The following NEXMIF variants were observed in gnomAD, a reference collection of about 807,000 sequenced individuals.
NEXMIF encodes the protein neurite extension and migration factor.
A neutral mutation model predicts 62.1 loss-of-function variants in NEXMIF; 8 were observed. The ratio of observed to expected loss-of-function variants is 0.13; its 90% CI spans 0.08 to 0.23. NEXMIF has a LOEUF of 0.23. NEXMIF is among the 10% of genes least tolerant of loss of function. NEXMIF has a pLI of 1.00. For missense variants in NEXMIF, 976 were observed against 1,113.3 expected, an observed-to-expected ratio of 0.88 and a Z score of 1.75; for synonymous variants, 404 against 416.6, an observed-to-expected ratio of 0.97 and a Z score of 0.37.
intron 1 of NEXMIF, among the ~76,000 whole-genome samples, chrX:74,771,522 G>T (rs1380670675): frequency 2.7e-5 from 3 of 110,743 alleles, no homozygotes; most frequent in Non-Finnish European, 5.7e-5. Context: ...AAGGCATACG[G>T]TATATAATAT....
intron 1 of NEXMIF, among the ~76,000 whole-genome samples, chrX:74,796,147 A>G (rs2080306652): frequency 1.3e-5 from 1 of 74,487 alleles, no homozygotes; most frequent in African/African-American, 5.3e-5. Context: ...TATATATTAT[A>G]TATATACATA....
In NEXMIF at chrX:74,736,519, G is replaced by A. The variant is rs190903029; in HGVS notation, c.*2886C>T. The A allele has an allele frequency of 9.0e-6, 1 of 111,316 alleles. No individual in the cohort carries two copies. Among genetic ancestry groups the A allele is most frequent in the Non-Finnish European group, 1.9e-5 (1 of 53,013 alleles). 9.2% of individuals were successfully genotyped at this position (111,316 alleles called of 1,213,427 possible). A position where few individuals can be genotyped will look rare whatever the true frequency, so the allele number is the denominator to read the frequency against. On this transcript the variant is annotated 3_prime_UTR_variant, in exon 4 of 4. Transcript: ENST00000055682. Reference sequence around the variant, plus strand: ...CAGACCAAGGATAATATATATTTCTGACTTGAGATACCAGTGATAGGGCAA... The same window carrying A: ...CAGACCAAGGATAATATATATTTCTAACTTGAGATACCAGTGATAGGGCAA...
At chrX:74,812,657 G>C (rs2080364045) in intron 1 of NEXMIF, among the ~76,000 whole-genome samples, 1 of 111,661 alleles carries the variant, frequency 9.0e-6, no homozygotes, top group Admixed American at 9.6e-5. Context: ...GACAGAGAAA[G>C]TCTCAGGAAG....
rs2080101804 is a variant in NEXMIF, at chrX:74,741,172, A to G, written c.3385T>C (p.Phe1129Leu). 8.3e-7 allele frequency: 1 copy of G among 1,210,743 alleles called. No individual in the cohort carries two copies. Among genetic ancestry groups the G allele is most frequent in the Non-Finnish European group, 1.1e-6 (1 of 895,101 alleles). The change falls in exon 3 of 4, where the codon TTT (phenylalanine) becomes CTT (leucine). Residue 1129 changes from phenylalanine (F) to leucine (L), a missense_variant. This residue lies in a region of NEXMIF where 639 missense variants were observed against 694.5 expected (regional missense o/e 0.92). Coordinates refer to ENST00000055682, the MANE Select transcript of NEXMIF (RefSeq NM_001008537.3). ...LSRQVQMEDGFTLNNHQFQFH... is the reference protein window; with the variant it reads ...LSRQVQMEDGLTLNNHQFQFH... ...TGAAACTGGTGATTATTTAAAGTAA[A>G]TCCATCCTCCATTTGGACCTGCCGT...
Position 74,903,703 on chromosome X carries a change from T to C in NEXMIF, c.-48+21180A>G, listed in dbSNP as rs181948487. ...AATCTCAGCATCGTTACTTTTTTGC[T>C]GTGTGACTTTGAGCGAGCAGGTTAA... On this transcript the variant is annotated intron_variant, in intron 1 of 3. Transcript: ENST00000055682. 4.7e-3 allele frequency among the ~76,000 whole-genome samples: 522 copies of C among 111,968 alleles called. 1 individual carries two copies. Among genetic ancestry groups the C allele is most frequent in the African/African-American group, 0.011 (335 of 30,814 alleles).
chrX:74,872,461 G>A (rs1473917543), intron 1 of NEXMIF, among the ~76,000 whole-genome samples: 2 of 104,270 alleles, frequency 1.9e-5, no homozygotes, highest in Non-Finnish European at 2.0e-5. Flanking sequence ...GTGGTGGGGG[G>A]AAATGACAGT....
chrX:74,848,308 C>T lies in NEXMIF; in HGVS notation c.-48+76575G>A, dbSNP rs147838324. On this transcript the variant is annotated intron_variant, in intron 1 of 3. Coordinates refer to ENST00000055682, the MANE Select transcript of NEXMIF (RefSeq NM_001008537.3). ...AGGAAGCCAGATGGTTAATATTGAACCTGTATTTGAATTGTATTCTCAAAA... is the reference window on the plus strand; with the variant it reads ...AGGAAGCCAGATGGTTAATATTGAATCTGTATTTGAATTGTATTCTCAAAA... 1.1e-3 allele frequency among the ~76,000 whole-genome samples: 121 copies of T among 112,596 alleles called. 1 individual carries two copies. Among genetic ancestry groups the T allele is most frequent in the South Asian group, 3.3e-3 (9 of 2,759 alleles).
intron 1 of NEXMIF, among the ~76,000 whole-genome samples, chrX:74,883,835 A>C (rs2080677410): frequency 1.8e-5 from 2 of 111,600 alleles, no homozygotes; most frequent in South Asian, 7.6e-4. Context: ...ACTCCAAGAC[A>C]CATAATTGTC....
chrX:74,803,946 A>C (rs931508677), intron 1 of NEXMIF, among the ~76,000 whole-genome samples: 18 of 112,074 alleles, frequency 1.6e-4, no homozygotes, highest in African/African-American at 5.5e-4. Flanking sequence ...GGTGTTAATG[A>C]GCAAGAATAA....
At chrX:74,856,565 A>G (rs1219435128) in intron 1 of NEXMIF, among the ~76,000 whole-genome samples, 1 of 111,288 alleles carries the variant, frequency 9.0e-6, no homozygotes, top group Non-Finnish European at 1.9e-5. Context: ...CAGTGGCCAC[A>G]TAAGATTATA....
chrX:74,807,329 T>C (rs2080347931), intron 1 of NEXMIF, among the ~76,000 whole-genome samples: 1 of 111,752 alleles, frequency 8.9e-6, no homozygotes. Context: ...TTTCTTTTGT[T>C]TTGGTTTTGA....
At chrX:74,790,692 A>G (rs1212510829) in intron 1 of NEXMIF, among the ~76,000 whole-genome samples, 11 of 113,567 alleles carry the variant, frequency 9.7e-5, no homozygotes, top group African/African-American at 3.5e-4. Flanking sequence ...GGTCCTTCAC[A>G]TCCCTTGTAA....
intron 1 of NEXMIF, among the ~76,000 whole-genome samples, chrX:74,907,309 C>T (rs1317286204): frequency 3.9e-5 from 4 of 103,890 alleles, no homozygotes; most frequent in Non-Finnish European, 7.8e-5. Context: ...ATAAGTAAAG[C>T]CCTTGTGTGT....
chrX:74,893,358 T>G (rs749538658), intron 1 of NEXMIF, among the ~76,000 whole-genome samples: 4 of 112,517 alleles, frequency 3.6e-5, no homozygotes, highest in Admixed American at 1.9e-4. Flanking sequence ...GTTCTCATGC[T>G]GCAGAGCAAA....
intron 1 of NEXMIF, among the ~76,000 whole-genome samples, chrX:74,880,406 G>A (rs1342333661): frequency 9.0e-6 from 1 of 111,666 alleles, no homozygotes; most frequent in Non-Finnish European, 1.9e-5. Flanking sequence ...AGGGAAGGAG[G>A]AAACTGGGGC....
At chrX:74,782,750 C>A (rs1218287907) in intron 1 of NEXMIF, among the ~76,000 whole-genome samples, 1 of 112,023 alleles carries the variant, frequency 8.9e-6, no homozygotes, top group Non-Finnish European at 1.9e-5. Context: ...CAAGGTCTAC[C>A]TCCTCCTTAA....
intron 1 of NEXMIF, among the ~76,000 whole-genome samples, chrX:74,783,608 TA>T (rs1428980451): frequency 9.0e-6 from 1 of 110,906 alleles, no homozygotes; most frequent in Non-Finnish European, 1.9e-5. Flanking sequence ...ACGTAAAGGG[TA>T]AAAGAACATA....
chrX:74,843,951 C>T (rs1417732114), intron 1 of NEXMIF, among the ~76,000 whole-genome samples: 1 of 112,117 alleles, frequency 8.9e-6, no homozygotes, highest in Non-Finnish European at 1.9e-5. Flanking sequence ...GTGCTTCTTT[C>T]AAGATCTCTT....
At chrX:74,750,153 G>T (rs1428845906) in intron 1 of NEXMIF, among the ~76,000 whole-genome samples, 1 of 111,237 alleles carries the variant, frequency 9.0e-6, no homozygotes, top group Non-Finnish European at 1.9e-5. Flanking sequence ...AATTCAGGAG[G>T]AGGAAATAGG....
Sources: gnomAD v4.1 joint callset for allele counts (sites outside exome capture counted in the v4.1 genomes callset) on GRCh38, gnomAD v4.1.1 for gene constraint, gnomAD v4.1.1 regional missense constraint, MANE v1.5 for transcripts, NCBI Gene and HGNC (gene_info 2026-07-23, HGNC 2026-07-21) for gene names.